Variants in TIMM17A observed in about 807,000 individuals in gnomAD.
TIMM17A encodes mitochondrial import inner membrane translocase subunit Tim17-A.
In TIMM17A, 15 loss-of-function variants were observed where a neutral mutation model predicts 26.5. The observed-to-expected ratio is 0.57, with a 90% CI of 0.38 to 0.87. The LOEUF is 0.87. Ranked by LOEUF, TIMM17A falls within the 40% of genes least tolerant of loss-of-function variation. The probability of loss-of-function intolerance (pLI) is 0.00; values close to 1 mark genes in which losing one functional copy is unlikely to be tolerated. For missense variants in TIMM17A, 201 were observed against 210.0 expected, an observed-to-expected ratio of 0.96 and a Z score of 0.27; for synonymous variants, 80 against 70.8, an observed-to-expected ratio of 1.13 and a Z score of -0.66.
chr1:201,957,262 T>C lies in TIMM17A; in HGVS notation c.27-19T>C, dbSNP rs757654096. The C allele has an allele frequency of 6.5e-5, 98 of 1,518,484 alleles. No individual in the cohort carries two copies. The African/African-American group carries it at 1.2e-3, about 19-fold the overall frequency. 94.1% of individuals were successfully genotyped at this position (1,518,484 alleles called of 1,614,324 possible). ...TTTGTGAATGAGAAATATGGTCTTT[T>C]TTTTCCCCCTGTTCTTAGCCCATGG... On this transcript the variant is annotated intron_variant, in intron 1 of 5. Coordinates refer to ENST00000367287, the MANE Select transcript of TIMM17A (RefSeq NM_006335.3).
At chr1:201,959,999 A>AAAAT (rs59830417) in intron 3 of TIMM17A, among the ~76,000 whole-genome samples, 56,676 of 150,148 alleles carry the variant, frequency 0.38, 11,540 homozygotes, top group South Asian at 0.5. Flanking sequence ...ACTCTGTCTC[A>AAAAT]AAATAAATAA....
chr1:201,961,989 C>A (rs879453801), intron 3 of TIMM17A, among the ~76,000 whole-genome samples: 14 of 151,968 alleles, frequency 9.2e-5, no homozygotes, highest in African/African-American at 3.1e-4. Context: ...GGTGTATAGA[C>A]GTTCGCCTCA....
chr1:201,969,651 A>C lies in TIMM17A; in HGVS notation c.*97A>C. The C allele has an allele frequency of 2.9e-6, 3 of 1,021,614 alleles. No individual in the cohort carries two copies. Among genetic ancestry groups the C allele is most frequent in the Non-Finnish European group, 4.6e-6 (3 of 653,880 alleles). 63.3% of individuals were successfully genotyped at this position (1,021,614 alleles called of 1,614,324 possible). A position where few individuals can be genotyped will look rare whatever the true frequency, so the allele number is the denominator to read the frequency against. On this transcript the variant is annotated 3_prime_UTR_variant, in exon 6 of 6. Coordinates refer to ENST00000367287, the MANE Select transcript of TIMM17A (RefSeq NM_006335.3). ...GTCTGTTTTTAAAACCATAGGTGGGACAGCTATGGCCAATAGGCTATAAAG... is the reference window on the plus strand; with the variant it reads ...GTCTGTTTTTAAAACCATAGGTGGGCCAGCTATGGCCAATAGGCTATAAAG...
chr1:201,956,954 TCA>T (rs1682423352), intron 1 of TIMM17A, among the ~76,000 whole-genome samples: 1 of 125,034 alleles, frequency 8.0e-6, no homozygotes, highest in Non-Finnish European at 1.6e-5. Context: ...AGACTCCATC[TCA>T]AAAAAAAAAA....
intron 1 of TIMM17A, 78 bp downstream of exon 1, chr1:201,955,630 G>A: frequency 6.3e-7 from 1 of 1,599,424 alleles, no homozygotes; most frequent in Non-Finnish European, 8.6e-7. Flanking sequence ...AGGCTCCCAA[G>A]GTGCAAGCCA....
In TIMM17A at chr1:201,967,438, A is replaced by G. The variant is rs760052730; in HGVS notation, c.430+1895A>G. Among the ~76,000 whole-genome samples, 23 of 152,046 alleles carry G rather than the reference A, an allele frequency of 1.5e-4. 1 individual carries two copies. The highest frequency in any genetic ancestry group is 2.6e-4 in the Non-Finnish European group (18 of 68,000). On this transcript the variant is annotated intron_variant, in intron 5 of 5. Transcript: ENST00000367287. ...AGAAATTCAGAAATGGATATAGTTA[A>G]CTTAAATAGTTACATTGTCTCATAG...
rs1172932870 is a variant in TIMM17A at position 201,957,522 on chromosome 1, C to G, written c.138C>G (p.His46Gln). 5.0e-6 allele frequency: 8 copies of G among 1,613,758 alleles called. No individual in the cohort carries two copies. The highest frequency in any genetic ancestry group is 1.7e-4 in the Middle Eastern group (1 of 6,016). ...GFRNSPVGVN[H>Q]RLRGSLTAIK... ...TTTTTTTGTTATAGGGAGTAAACCA[C>G]AGACTACGAGGGAGTTTGACAGCTA... The change falls in exon 3 of 6, where the codon CAC becomes CAG. Residue 46 changes from histidine to glutamine, a missense_variant. Coordinates refer to ENST00000367287, the MANE Select transcript of TIMM17A (RefSeq NM_006335.3).
chr1:201,967,015 G>GTGTGTGTGTGTGTGTGTGTA (rs59893489), intron 5 of TIMM17A, among the ~76,000 whole-genome samples: 3 of 118,834 alleles, frequency 2.5e-5, no homozygotes, highest in African/African-American at 6.3e-5. Context: ...GTGTGTGTGT[G>GTGTGTGTGTGTGTGTGTGTA]TATATATATA....
intron 5 of TIMM17A, among the ~76,000 whole-genome samples, chr1:201,966,877 A>G (rs113554018): frequency 6.8e-6 from 1 of 147,542 alleles, no homozygotes; most frequent in African/African-American, 2.5e-5. Flanking sequence ...TATATGTTAT[A>G]TATATGCTAT....
chr1:201,959,883 C>T (rs1362523107), intron 3 of TIMM17A, among the ~76,000 whole-genome samples: 1 of 151,980 alleles, frequency 6.6e-6, no homozygotes, highest in Non-Finnish European at 1.5e-5. Flanking sequence ...CGCCTGTAGT[C>T]CCGGCTCCTT....
Position 201,963,660 on chromosome 1 carries a change from A to T in TIMM17A, c.235A>T (p.Ser79Cys), listed in dbSNP as rs1472826137. The T allele has an allele frequency of 6.2e-7, 1 of 1,611,354 alleles. No homozygotes were observed. The highest frequency in any genetic ancestry group is 1.7e-5 in the Admixed American group (1 of 59,062). ...AGGGCTGTTTTCCATGATTGACTGT[A>T]GTATGGTTCAAGTCAGAGGAAAGGA... ...WGGLFSMIDC[S>C]MVQVRGKEDP... Residue 79 changes from serine to cysteine, a missense_variant, in exon 4 of 6, where the codon AGT becomes TGT. Physicochemically the swap from Ser to Cys is moderately radical, Grantham distance 112 (BLOSUM62 -1). Coordinates refer to ENST00000367287, the MANE Select transcript of TIMM17A (RefSeq NM_006335.3).
chr1:201,964,635 C>CTTTTTTTTTTTTTTTTTTTT (rs570309464), intron 4 of TIMM17A, among the ~76,000 whole-genome samples: 5 of 90,962 alleles, frequency 5.5e-5, no homozygotes, highest in Non-Finnish European at 7.9e-5. Flanking sequence ...TATTTTATTT[C>CTTTTTTTTTTTTTTTTTTTT]TTTTTTTTTT....
chr1:201,959,999 A>G (rs968004424), intron 3 of TIMM17A, among the ~76,000 whole-genome samples: 1 of 150,192 alleles, frequency 6.7e-6, no homozygotes, highest in Admixed American at 6.7e-5. Flanking sequence ...ACTCTGTCTC[A>G]AAATAAATAA....
intron 5 of TIMM17A, 32 bp from the exon 6 acceptor site, chr1:201,969,437 A>AT (rs1558252643): frequency 3.2e-6 from 5 of 1,539,908 alleles, no homozygotes; most frequent in Non-Finnish European, 3.6e-6. Flanking sequence ...TATTCAGGTG[A>AT]TTTTTAAATC....
intron 1 of TIMM17A, among the ~76,000 whole-genome samples, chr1:201,956,817 G>A (rs530411548): frequency 5.9e-5 from 9 of 152,208 alleles, no homozygotes; most frequent in African/African-American, 1.9e-4. Context: ...TTAGCCGGGC[G>A]TGGTGGCACG....
At chr1:201,955,605 CCTT>C (rs1682395073) in intron 1 of TIMM17A, 53 bp downstream of exon 1, 7 of 1,613,102 alleles carry the variant, frequency 4.3e-6, no homozygotes, top group Non-Finnish European at 5.9e-6. Context: ...CCACTGCCCT[CCTT>C]CTCCCTTGTC....
intron 3 of TIMM17A, among the ~76,000 whole-genome samples, chr1:201,960,034 T>C (rs1682495388): frequency 6.6e-6 from 1 of 151,554 alleles, no homozygotes; most frequent in East Asian, 1.9e-4. Context: ...ATAAATGTAA[T>C]GTGGTACTGT....
rs1253969011 is a variant in TIMM17A at position 201,955,526 on chromosome 1, G to A, written c.-1G>A. ...GCATCACTCGCGGCATTGGAGTCAA[G>A]ATGGAGGAGTACGCGCGAGAGCCTT... On this transcript the variant is annotated 5_prime_UTR_variant, in exon 1 of 6. Transcript: ENST00000367287. The A allele has an allele frequency of 1.2e-6, 2 of 1,614,266 alleles. No individual in the cohort carries two copies. Among genetic ancestry groups the A allele is most frequent in the East Asian group, 2.2e-5 (1 of 44,890 alleles).
intron 4 of TIMM17A, among the ~76,000 whole-genome samples, chr1:201,964,635 C>CTTTTTTTTTTTTATTTT (rs1682591187): frequency 2.2e-5 from 2 of 90,954 alleles, no homozygotes; most frequent in African/African-American, 5.1e-5. Context: ...TATTTTATTT[C>CTTTTTTTTTTTTATTTT]TTTTTTTTTT....
Sources: gnomAD v4.1 joint callset for allele counts (sites outside exome capture counted in the v4.1 genomes callset) on GRCh38, gnomAD v4.1.1 for gene constraint, MANE v1.5 for transcripts, NCBI Gene and HGNC (gene_info 2026-07-23, HGNC 2026-07-21) for gene names.